The following GREB1 variants were observed in gnomAD, a reference collection of about 807,000 sequenced individuals.
The protein encoded by GREB1 is protein GREB1.
A neutral mutation model predicts 200.7 loss-of-function variants in GREB1; 106 were observed. The ratio of observed to expected loss-of-function variants is 0.53; its 90% CI spans 0.45 to 0.62. The LOEUF (loss-of-function observed/expected upper bound fraction) is 0.62, where lower values mean the gene tolerates loss of function less well. Among genes scored for constraint, GREB1 ranks in the 20% least tolerant of loss-of-function variants. GREB1 has a pLI of 0.00. For missense variants in GREB1, 2,243 were observed against 2,556.8 expected, an observed-to-expected ratio of 0.88 and a Z score of 2.65; for synonymous variants, 1,132 against 1,092.4, an observed-to-expected ratio of 1.04 and a Z score of -0.72.
At chr2:11,490,103 C>T (rs1207692397) in intron 1 of GREB1, among the ~76,000 whole-genome samples, 1 of 151,744 alleles carries the variant, frequency 6.6e-6, no homozygotes, top group African/African-American at 2.4e-5. Flanking sequence ...GAATACAGTT[C>T]AGTGCTTTTA....
At chr2:11,631,039 C>T (rs573859291) in intron 26 of GREB1, among the ~76,000 whole-genome samples, 10 of 152,312 alleles carry the variant, frequency 6.6e-5, no homozygotes, top group South Asian at 4.1e-4. Context: ...TCCTACCCCA[C>T]GGGCTGGGGT....
At position 11,595,318 on chromosome 2, in the gene GREB1, T is replaced by A. The variant is rs373238759; in HGVS notation, c.1764T>A (p.Asn588Lys). The A allele has an allele frequency of 3.5e-5, 57 of 1,613,854 alleles. 1 individual carries two copies. In the East Asian group the frequency reaches 3.8e-4, roughly 11 times the overall value. Residue 588 changes from asparagine (N) to lysine (K), a missense_variant, in exon 12 of 33, where the codon AAT becomes AAA. Asn to Lys is a moderately conservative substitution (Grantham distance 94, BLOSUM62 0). Around this residue, in one of 3 missense-constraint regions of GREB1, gnomAD observed 1,178 missense variants for 1,387.4 expected, o/e 0.85. Coordinates refer to ENST00000381486, the MANE Select transcript of GREB1 (RefSeq NM_014668.4). ...LTPAEYQKEV[N>K]YELVTGKVDS... Reference sequence around the variant, plus strand: ...CTGCGGAGTACCAGAAGGAAGTCAATTACGAGCTGGTTACGGGGAAGGTAG... The same window carrying A: ...CTGCGGAGTACCAGAAGGAAGTCAAATACGAGCTGGTTACGGGGAAGGTAG...
chr2:11,503,487 C>G (rs919466224), intron 1 of GREB1, among the ~76,000 whole-genome samples: 1 of 152,076 alleles, frequency 6.6e-6, no homozygotes, highest in Non-Finnish European at 1.5e-5. Flanking sequence ...CTCTGATCAT[C>G]CTTTTGTATC....
In GREB1 at chr2:11,633,481, G is replaced by A. The variant is rs978844593; in HGVS notation, c.4991+418G>A. On this transcript the variant is annotated intron_variant, in intron 28 of 32. Coordinates refer to ENST00000381486, the MANE Select transcript of GREB1 (RefSeq NM_014668.4). This position sits in a 1 kb window ranked among gnomAD's most constrained non-coding sequence, Gnocchi z 4.1. ...TGGGAGGCTGAGGCAGAAGCATGGC[G>A]TGAACCCGGGAGGCGGAGCTTGTAG... 1.1e-4 allele frequency among the ~76,000 whole-genome samples: 16 copies of A among 151,476 alleles called. No individual in the cohort carries two copies. The highest frequency in any genetic ancestry group is 3.2e-4 in the African/African-American group (13 of 41,214).
chr2:11,560,739 T>C (rs957445687), intron 2 of GREB1, among the ~76,000 whole-genome samples: 12 of 151,926 alleles, frequency 7.9e-5, no homozygotes, highest in Admixed American at 6.6e-4. Flanking sequence ...GCCTGTATCC[T>C]GGCCCAGTGT....
chr2:11,636,549 C>T (rs12987096), intron 30 of GREB1, among the ~76,000 whole-genome samples: 2 of 152,062 alleles, frequency 1.3e-5, no homozygotes, highest in Non-Finnish European at 2.9e-5. Flanking sequence ...TCAGGAGTAC[C>T]CAGCCCAGCA....
chr2:11,594,468 C>T (rs2148195460), intron 11 of GREB1, among the ~76,000 whole-genome samples: 1 of 151,700 alleles, frequency 6.6e-6, no homozygotes, highest in East Asian at 1.9e-4. Context: ...AATTCTTTTG[C>T]CTCAGACTCC....
intron 10 of GREB1, 61 bp from the exon 11 acceptor site, chr2:11,592,715 C>A: frequency 1.8e-6 from 2 of 1,126,704 alleles, no homozygotes; most frequent in East Asian, 5.8e-5. Context: ...ATCACTGCAC[C>A]CGTGCGTCCC....
rs1262864688 is a variant in GREB1 at position 11,618,732 on chromosome 2, C to T, written c.3857C>T (p.Ser1286Phe). The T allele has an allele frequency of 6.2e-7, 1 of 1,613,326 alleles. No homozygotes were observed. The highest frequency in any genetic ancestry group is 1.3e-5 in the African/African-American group (1 of 74,928). ...GLPKAASLLPSPSVMWASSFR... is the reference protein window; with the variant it reads ...GLPKAASLLPFPSVMWASSFR... ...CCCAAGGCCGCCTCCCTCCTGCCCT[C>T]CCCCTCGGTCATGTGGGCCAGCTCT... The change falls in exon 22 of 33, where the codon TCC (serine) becomes TTC (phenylalanine). Residue 1286 changes from serine to phenylalanine, a missense_variant. Physicochemically the swap from Ser to Phe is radical, Grantham distance 155. This residue lies in a region of GREB1 where 587 missense variants were observed against 553.1 expected (regional missense o/e 1.06). Coordinates refer to ENST00000381486, the MANE Select transcript of GREB1 (RefSeq NM_014668.4).
chr2:11,569,303 C>G (rs1420966938), intron 4 of GREB1, among the ~76,000 whole-genome samples: 1 of 152,118 alleles, frequency 6.6e-6, no homozygotes, highest in Non-Finnish European at 1.5e-5. Context: ...GAAATGAAAG[C>G]CTGGACCTTC....
chr2:11,494,802 G>A (rs1346517901), intron 1 of GREB1, among the ~76,000 whole-genome samples: 1 of 152,292 alleles, frequency 6.6e-6, no homozygotes, highest in East Asian at 1.9e-4. Flanking sequence ...CACCCATGGG[G>A]TGGCTGCCAA....
chr2:11,577,198 A>G (rs1343367581), intron 5 of GREB1, among the ~76,000 whole-genome samples: 5 of 152,042 alleles, frequency 3.3e-5, no homozygotes, highest in Admixed American at 6.5e-5. Flanking sequence ...CCCCTAGGGA[A>G]CGTGTGGCCA....
At chr2:11,567,462 C>T (rs553803524) in intron 4 of GREB1, among the ~76,000 whole-genome samples, 2 of 152,252 alleles carry the variant, frequency 1.3e-5, no homozygotes, top group South Asian at 4.1e-4. Context: ...TATAGGTGAG[C>T]TTGGATCTGT....
At chr2:11,568,841 G>A (rs1180971826) in intron 4 of GREB1, among the ~76,000 whole-genome samples, 1 of 152,226 alleles carries the variant, frequency 6.6e-6, no homozygotes, top group Non-Finnish European at 1.5e-5. Flanking sequence ...GACAAGGCCT[G>A]GTTGGTAATA....
At chr2:11,591,633 G>T in intron 10 of GREB1, 1 of 586,946 alleles carries the variant, frequency 1.7e-6, no homozygotes, top group Non-Finnish European at 3.1e-6. Flanking sequence ...ACGCATTCAG[G>T]CTCTTGGGAA....
intron 6 of GREB1, among the ~76,000 whole-genome samples, chr2:11,579,091 G>T (rs1055193788): frequency 2.6e-5 from 4 of 152,256 alleles, no homozygotes; most frequent in Non-Finnish European, 5.9e-5. Flanking sequence ...GTCGCTGGTT[G>T]TTTTCATGCC....
At chr2:11,574,852 A>G (rs1678678479) in intron 4 of GREB1, among the ~76,000 whole-genome samples, 1 of 152,198 alleles carries the variant, frequency 6.6e-6, no homozygotes, top group Non-Finnish European at 1.5e-5. Flanking sequence ...AGAGGACAGT[A>G]TTTCATGCCA....
chr2:11,612,418 G>A, intron 18 of GREB1, 77 bp from the exon 19 acceptor site: 1 of 1,499,764 alleles, frequency 6.7e-7, no homozygotes, highest in Non-Finnish European at 9.1e-7. Flanking sequence ...GGTGTGGGAG[G>A]CCATCAGGAT....
intron 1 of GREB1, among the ~76,000 whole-genome samples, chr2:11,486,531 A>C (rs1191925367): frequency 6.6e-6 from 1 of 152,034 alleles, no homozygotes; most frequent in Non-Finnish European, 1.5e-5. Context: ...GTGACGTAAA[A>C]TTTAAGAAAA....
Sources: allele counts gnomAD v4.1 joint callset (sites outside exome capture counted in the v4.1 genomes callset), GRCh38; gene constraint gnomAD v4.1.1; regional missense constraint gnomAD v4.1.1; non-coding constraint Gnocchi (gnomAD v3.1); transcripts MANE v1.5; gene names NCBI Gene and HGNC (gene_info 2026-07-23, HGNC 2026-07-21).